The following CACNA1C variants were observed in gnomAD, a reference collection of about 807,000 sequenced individuals.
The protein encoded by CACNA1C is calcium voltage-gated channel subunit alpha1 C, also known as voltage-dependent L-type calcium channel subunit alpha-1C.
A neutral mutation model predicts 229.0 loss-of-function variants in CACNA1C; 30 were observed. That is an observed-to-expected ratio of 0.13 (90% CI 0.10 to 0.18). The LOEUF (loss-of-function observed/expected upper bound fraction) is 0.18, where lower values mean the gene tolerates loss of function less well. CACNA1C is among the 10% of genes least tolerant of loss of function. The probability of loss-of-function intolerance (pLI) is 1.00; values close to 1 mark genes in which losing one functional copy is unlikely to be tolerated. For synonymous variants in CACNA1C, 1,114 were observed against 1,132.5 expected, an observed-to-expected ratio of 0.98 and a Z score of 0.33; for missense variants, 1,658 against 2,845.0, an observed-to-expected ratio of 0.58 and a Z score of 9.49.
intron 3 of CACNA1C, among the ~76,000 whole-genome samples, chr12:2,225,924 G>A (rs1268521278): frequency 6.6e-6 from 1 of 152,132 alleles, no homozygotes; most frequent in East Asian, 1.9e-4. Flanking sequence ...ATCATCTTGA[G>A]AAAATTCTAC....
At chr12:2,560,069 A>G (rs1046459580) in intron 11 of CACNA1C, among the ~76,000 whole-genome samples, 21 of 152,152 alleles carry the variant, frequency 1.4e-4, no homozygotes, top group African/African-American at 5.1e-4. Context: ...TGGACTGACC[A>G]TGTTTCCCAT....
intron 6 of CACNA1C, among the ~76,000 whole-genome samples, chr12:2,489,197 G>A (rs912256364): frequency 2.0e-5 from 3 of 152,066 alleles, no homozygotes; most frequent in African/African-American, 7.2e-5. Flanking sequence ...TGCTTTGTGA[G>A]CCTTTGTTGT....
chr12:2,568,149 A>G (rs2154593461), intron 13 of CACNA1C, among the ~76,000 whole-genome samples: 1 of 152,322 alleles, frequency 6.6e-6, no homozygotes, highest in South Asian at 2.1e-4. Flanking sequence ...CTCCAGGGTC[A>G]TAAGATGACT....
intron 13 of CACNA1C, among the ~76,000 whole-genome samples, chr12:2,579,102 G>A (rs1234993114): frequency 6.6e-6 from 1 of 152,076 alleles, no homozygotes; most frequent in Non-Finnish European, 1.5e-5. Context: ...CTTGCTGACG[G>A]CACCTGGCCC....
intron 3 of CACNA1C, among the ~76,000 whole-genome samples, chr12:2,249,112 C>T (rs2074520227): frequency 6.6e-6 from 1 of 152,196 alleles, no homozygotes; most frequent in Admixed American, 6.5e-5. Flanking sequence ...TGGGGCCAGA[C>T]TGCCTTTCTT....
At chr12:2,484,921 T>TTTC (rs1276902319) in intron 5 of CACNA1C, among the ~76,000 whole-genome samples, 1 of 151,392 alleles carries the variant, frequency 6.6e-6, no homozygotes, top group African/African-American at 2.4e-5. Context: ...TTTTTTTTTT[T>TTTC]TATCTTCCCA....
chr12:2,388,226 T>C (rs2098426396), intron 3 of CACNA1C, among the ~76,000 whole-genome samples: 2 of 152,322 alleles, frequency 1.3e-5, no homozygotes, highest in South Asian at 4.1e-4. Context: ...GCATGGTAAC[T>C]ATAATTAATA....
At chr12:2,374,636 C>T (rs992264382) in intron 3 of CACNA1C, among the ~76,000 whole-genome samples, 4 of 152,242 alleles carry the variant, frequency 2.6e-5, no homozygotes, top group Non-Finnish European at 5.9e-5. Context: ...CTCCTAACTC[C>T]ACAGTTTGTC....
intron 3 of CACNA1C, among the ~76,000 whole-genome samples, chr12:2,218,255 C>T (rs546913263): frequency 3.3e-5 from 5 of 152,296 alleles, no homozygotes; most frequent in African/African-American, 7.2e-5. Flanking sequence ...ATTGACAACG[C>T]GTCTCCTGCA....
At chr12:2,628,179 G>A (rs1160983571) in intron 29 of CACNA1C, among the ~76,000 whole-genome samples, 6 of 152,200 alleles carry the variant, frequency 3.9e-5, no homozygotes, top group African/African-American at 7.2e-5. Flanking sequence ...CGAAGGACTC[G>A]GAATTGAAGG....
intron 7 of CACNA1C, among the ~76,000 whole-genome samples, chr12:2,500,180 C>T (rs1408999859): frequency 2.0e-5 from 3 of 152,184 alleles, no homozygotes; most frequent in Admixed American, 2.0e-4. Context: ...TCTAAAAAAC[C>T]AGCCCACAGC....
Position 2,687,119 on chromosome 12 carries a change from T to G in CACNA1C, c.5784+850T>G, listed in dbSNP as rs575378501. ...ACAGGTTTTCTTAGCCTGTGTGGTGTTGTCTTCCACTGGGCTTTCTGAAAT... is the reference window on the plus strand; with the variant it reads ...ACAGGTTTTCTTAGCCTGTGTGGTGGTGTCTTCCACTGGGCTTTCTGAAAT... On this transcript the variant is annotated intron_variant, in intron 45 of 46. Transcript: ENST00000399655. Among the ~76,000 whole-genome samples the G allele has an allele frequency of 7.9e-5, 12 of 152,320 alleles. 1 individual carries two copies. Among genetic ancestry groups the G allele is most frequent in the African/African-American group, 2.2e-4 (9 of 41,570 alleles).
chr12:2,640,587 GAAGA>G (rs2093560345), intron 30 of CACNA1C, among the ~76,000 whole-genome samples: 1 of 152,220 alleles, frequency 6.6e-6, no homozygotes, highest in East Asian at 1.9e-4. Context: ...ATCTGCAGCT[GAAGA>G]AAGAGACTGG....
At chr12:2,503,525 A>T (rs1030158272) in intron 7 of CACNA1C, among the ~76,000 whole-genome samples, 7 of 152,192 alleles carry the variant, frequency 4.6e-5, no homozygotes, top group African/African-American at 1.7e-4. Flanking sequence ...ATAAATGTTT[A>T]AGCATCTCTT....
intron 4 of CACNA1C, among the ~76,000 whole-genome samples, chr12:2,453,696 G>A (rs986169249): frequency 7.9e-5 from 12 of 152,084 alleles, no homozygotes; most frequent in East Asian, 7.7e-4. Flanking sequence ...TTCCCACTGT[G>A]CCCTCCCATC....
Position 2,000,715 on chromosome 12 carries a change from T to C in CACNA1C, c.139+29514T>C, listed in dbSNP as rs1483905932. ...GATCATGCTGGGCTAATTAGTTTAT[T>C]ATTATATGTCTCAGTTTCTCCATTG... On this transcript the variant is annotated intron_variant, in intron 1 of 46. Coordinates refer to the CACNA1C transcript ENST00000682462. Among the ~76,000 whole-genome samples the C allele has an allele frequency of 2.0e-5, 3 of 152,168 alleles. No individual in the cohort carries two copies. In the East Asian group the frequency reaches 5.8e-4, roughly 29 times the overall value.
At chr12:2,048,440 G>A (rs1318457523), upstream of CACNA1C, 2 of 152,192 alleles carry the variant, frequency 1.3e-5, no homozygotes, top group South Asian at 4.1e-4. Context: ...CAATTATGTG[G>A]ATTAGAAATT....
rs74417602 is a variant in CACNA1C at position 2,250,558 on chromosome 12, T to C, written c.477+130128T>C. Among the ~76,000 whole-genome samples, 1,313 of 152,326 alleles carry C rather than the reference T, an allele frequency of 8.6e-3. 17 individuals carry two copies. The highest frequency in any genetic ancestry group is 0.03 in the African/African-American group (1,261 of 41,580). On this transcript the variant is annotated intron_variant, in intron 3 of 46. Transcript: ENST00000399655. ...ACAAACTGGGTGATGGCCTACGCTG[T>C]AGCTGAAGTGGAGAGAGACTGGCAC...
intron 3 of CACNA1C, among the ~76,000 whole-genome samples, chr12:2,211,874 A>G (rs1298086610): frequency 2.0e-5 from 3 of 147,870 alleles, no homozygotes; most frequent in Non-Finnish European, 4.5e-5. Context: ...GCCCACCACC[A>G]CTCCCGGCTA....
Sources: gnomAD v4.1 joint callset for allele counts (sites outside exome capture counted in the v4.1 genomes callset) on GRCh38, gnomAD v4.1.1 for gene constraint, MANE v1.5 for transcripts, NCBI Gene and HGNC (gene_info 2026-07-23, HGNC 2026-07-21) for gene names.